Variants in RABEP1 observed in about 807,000 individuals in gnomAD.
The protein encoded by RABEP1 is rabaptin, RAB GTPase binding effector protein 1, also known as rab GTPase-binding effector protein 1.
A neutral mutation model predicts 123.4 loss-of-function variants in RABEP1; 51 were observed. The ratio of observed to expected loss-of-function variants is 0.41; its 90% CI spans 0.33 to 0.52. The LOEUF is 0.52. RABEP1 is among the 20% of genes least tolerant of loss of function. The pLI, the probability that RABEP1 is intolerant of heterozygous loss-of-function variation, is 0.16. For missense variants in RABEP1, 888 were observed against 996.3 expected, an observed-to-expected ratio of 0.89 and a Z score of 1.46; for synonymous variants, 347 against 355.2, an observed-to-expected ratio of 0.98 and a Z score of 0.26.
chr17:5,282,334 C>A lies in RABEP1; in HGVS notation c.-153C>A. The A allele has an allele frequency of 3.8e-6, 2 of 526,150 alleles. No individual in the cohort carries two copies. The highest frequency in any genetic ancestry group is 5.9e-6 in the Non-Finnish European group (2 of 338,380). The allele number at this position is 526,150 out of a possible 1,614,324, so 32.6% of individuals were successfully genotyped here. ...CGGTCGGGTCCGTCTCTGCCCGCGG[C>A]TGTGGCGGCGCCGGCGGATCCAGCC... On this transcript the variant is annotated 5_prime_UTR_variant, in exon 1 of 18. It adds an upstream start codon to the 5' untranslated region. Transcript: ENST00000537505.
At chr17:5,352,850 A>G (rs556189087) in intron 7 of RABEP1, among the ~76,000 whole-genome samples, 5 of 152,178 alleles carry the variant, frequency 3.3e-5, no homozygotes, top group Admixed American at 2.6e-4. Flanking sequence ...AAACAAAAAC[A>G]AAGAGTCTAA....
intron 13 of RABEP1, among the ~76,000 whole-genome samples, chr17:5,376,412 A>G (rs570192554): frequency 6.6e-6 from 1 of 152,334 alleles, no homozygotes; most frequent in African/African-American, 2.4e-5. Flanking sequence ...CTTCAGCAAT[A>G]AATCTTAGGA....
intron 16 of RABEP1, 52 bp downstream of exon 16, chr17:5,380,514 G>C (rs1409281613): frequency 2.2e-6 from 3 of 1,361,972 alleles, no homozygotes; most frequent in Non-Finnish European, 3.1e-6. Context: ...AAGAATGCAG[G>C]ATCACATCTT....
chr17:5,352,400 C>T (rs972363083), intron 7 of RABEP1, among the ~76,000 whole-genome samples: 1 of 151,500 alleles, frequency 6.6e-6, no homozygotes, highest in Non-Finnish European at 1.5e-5. Context: ...ACTACGTTGC[C>T]CAGGCTGGTC....
chr17:5,359,032 A>G (rs529055111), intron 8 of RABEP1, among the ~76,000 whole-genome samples: 1 of 149,886 alleles, frequency 6.7e-6, no homozygotes, highest in South Asian at 2.1e-4. Flanking sequence ...AAAGTGTTGG[A>G]TTTACAGGCG....
At chr17:5,288,513 A>T (rs2075000888) in intron 1 of RABEP1, among the ~76,000 whole-genome samples, 1 of 152,006 alleles carries the variant, frequency 6.6e-6, no homozygotes, top group African/African-American at 2.4e-5. Context: ...CTCCTGCCTC[A>T]GCCTCCCAAG....
Position 5,361,339 on chromosome 17 carries a change from C to G in RABEP1, c.1227C>G (p.Asp409Glu), listed in dbSNP as rs1233659963. 6.2e-7 allele frequency: 1 copy of G among 1,614,166 alleles called. No individual in the cohort carries two copies. Among genetic ancestry groups the G allele is most frequent in the Admixed American group, 1.7e-5 (1 of 60,014 alleles). The change falls in exon 9 of 18, where the codon GAC becomes GAG. Residue 409 changes from aspartate (D) to glutamate (E), a missense_variant. By Grantham distance (45) the Asp-to-Glu change is conservative (BLOSUM62 2). Coordinates refer to ENST00000537505, the MANE Select transcript of RABEP1 (RefSeq NM_004703.6). ...KDGLRRAQST[D>E]SLGTSGSLQS... ...GACTCAGGAGAGCACAGTCTACAGA[C>G]AGCTTGGGAACCTCGGGCTCATTGC... is the stretch of plus-strand genomic sequence containing the variant.
In RABEP1 at chr17:5,377,281, A is replaced by G; in HGVS notation, c.2191A>G (p.Ile731Val). 2.5e-6 allele frequency: 4 copies of G among 1,587,978 alleles called. No individual in the cohort carries two copies. Among genetic ancestry groups the G allele is most frequent in the South Asian group, 1.2e-5 (1 of 85,556 alleles). Residue 731 changes from isoleucine to valine, a missense_variant, in exon 14 of 18, where the codon ATA (isoleucine) becomes GTA (valine). Ile to Val is a conservative substitution (Grantham distance 29, BLOSUM62 3). Transcript: ENST00000537505. ...TCTTGAAGAAACTCTGCAACTAGAA[A>G]TAGAAAACTGCAAGGAGGAAATAGG... Reference protein sequence around the residue: ...ENLEETLQLEIENCKEEIASI... With the variant: ...ENLEETLQLEVENCKEEIASI...
Position 5,299,719 on chromosome 17 carries a change from C to CTTTTTTTTTTT in RABEP1, c.35-8970_35-8969insTTTTTTTTTTT, listed in dbSNP as rs146585957. Among the ~76,000 whole-genome samples the CTTTTTTTTTTT allele has an allele frequency of 2.3e-3, 223 of 98,782 alleles. 31 individuals are homozygous for CTTTTTTTTTTT. The highest frequency in any genetic ancestry group is 6.1e-3 in the South Asian group (10 of 1,648). The allele number at this position is 98,782 out of a possible 152,430, so 64.8% of individuals were successfully genotyped here. On this transcript the variant is annotated intron_variant, in intron 1 of 17. Transcript: ENST00000537505. ...TCATTTCTTTTTCTTTTTTTCTTTT[C>CTTTTTTTTTTT]TTTTTCTTTTTCTTTTTTTTTTTTT...
rs1911671389 is a variant in RABEP1 at position 5,383,479 on chromosome 17, T to C, written c.*256T>C. 9.5e-6 allele frequency: 4 copies of C among 419,882 alleles called. No homozygotes were observed. Among genetic ancestry groups the C allele is most frequent in the Non-Finnish European group, 1.7e-5 (4 of 230,684 alleles). 26.0% of individuals were successfully genotyped at this position (419,882 alleles called of 1,614,324 possible). A position where few individuals can be genotyped will look rare whatever the true frequency, so the allele number is the denominator to read the frequency against. Reference sequence around the variant, plus strand: ...ATTCCAACAGGCGTGGGATCAGATTTGGTGATGGAAAAAGCGCTGTTTCCT... The same window carrying C: ...ATTCCAACAGGCGTGGGATCAGATTCGGTGATGGAAAAAGCGCTGTTTCCT... On this transcript the variant is annotated 3_prime_UTR_variant, in exon 18 of 18. Coordinates refer to ENST00000537505, the MANE Select transcript of RABEP1 (RefSeq NM_004703.6).
At chr17:5,334,327 G>C (rs545617786) in intron 3 of RABEP1, among the ~76,000 whole-genome samples, 107 of 152,090 alleles carry the variant, frequency 7.0e-4, no homozygotes, top group African/African-American at 2.5e-3. Flanking sequence ...TGCCTCCCGG[G>C]TTCACGTGAT....
intron 5 of RABEP1, among the ~76,000 whole-genome samples, chr17:5,338,880 G>A (rs776786483): frequency 7.9e-5 from 12 of 152,178 alleles, no homozygotes; most frequent in Non-Finnish European, 1.3e-4. Context: ...GAACAGGCCA[G>A]GTGTTGTGGC....
At chr17:5,346,968 A>AT in intron 6 of RABEP1, 43 bp downstream of exon 6, 1 of 1,461,766 alleles carries the variant, frequency 6.8e-7, no homozygotes, top group South Asian at 1.4e-5. Context: ...TAAGAACCAT[A>AT]TAAGTTAAAT....
In RABEP1 at chr17:5,282,397, G is replaced by T; in HGVS notation, c.-90G>T. ...CTCTGGGCGGCGGCGGCGGCGGCTC[G>T]GTTGACGCCTCCTCCGCCAGCTGAG... On this transcript the variant is annotated 5_prime_UTR_variant, in exon 1 of 18. Coordinates refer to ENST00000537505, the MANE Select transcript of RABEP1 (RefSeq NM_004703.6). 1 of 1,063,994 alleles carries T rather than the reference G, an allele frequency of 9.4e-7. No homozygotes were observed. The highest frequency in any genetic ancestry group is 1.2e-6 in the Non-Finnish European group (1 of 807,946). The allele number at this position is 1,063,994 out of a possible 1,614,324, so 65.9% of individuals were successfully genotyped here.
At chr17:5,324,750 G>A (rs1448813631) in intron 2 of RABEP1, among the ~76,000 whole-genome samples, 1 of 152,158 alleles carries the variant, frequency 6.6e-6, no homozygotes, top group East Asian at 1.9e-4. Context: ...GATTCAAATA[G>A]GCATTTTTCA....
In RABEP1 at chr17:5,383,157, GGA is replaced by G; in HGVS notation, c.2528_2529del (p.Arg843AsnfsTer7). On this transcript the variant is annotated frameshift_variant, in exon 18 of 18. Coordinates refer to ENST00000537505, the MANE Select transcript of RABEP1 (RefSeq NM_004703.6). LOFTEE classifies it high-confidence loss of function. ...LERIRQADSL[E>X]RIRAILNDTK... ...AGCGGATCCGGCAAGCTGACTCCTT[GGA>G]GAGAATCCGGGCAATTCTGAATGAT... 6.2e-7 allele frequency: 1 copy of G among 1,614,116 alleles called. No homozygotes were observed. Among genetic ancestry groups the G allele is most frequent in the Non-Finnish European group, 8.5e-7 (1 of 1,180,014 alleles).
rs752600387 is a variant in RABEP1 at position 5,383,243 on chromosome 17, T to G, written c.*20T>G. The G allele has an allele frequency of 1.3e-6, 2 of 1,591,888 alleles. No individual in the cohort carries two copies. Among genetic ancestry groups the G allele is most frequent in the South Asian group, 2.2e-5 (2 of 90,640 alleles). ...ACATGACACCCTCATGGCAGGATTC[T>G]AGCCTGCACTTTGGGTTTTTAACTC... On this transcript the variant is annotated 3_prime_UTR_variant, in exon 18 of 18. Transcript: ENST00000537505.
intron 13 of RABEP1, among the ~76,000 whole-genome samples, chr17:5,375,299 T>TC (rs1269566418): frequency 2.0e-5 from 3 of 152,160 alleles, no homozygotes; most frequent in African/African-American, 7.2e-5. Context: ...CTTTGCTGTC[T>TC]CCCACCTTTC....
At chr17:5,332,631 G>A (rs1029076899) in intron 3 of RABEP1, among the ~76,000 whole-genome samples, 5 of 121,686 alleles carry the variant, frequency 4.1e-5, no homozygotes, top group African/African-American at 6.6e-5. Context: ...ATGGAATCTC[G>A]CTCTGTTGTC....
Sources: allele counts gnomAD v4.1 joint callset (sites outside exome capture counted in the v4.1 genomes callset), GRCh38; gene constraint gnomAD v4.1.1; transcripts MANE v1.5; gene names NCBI Gene and HGNC (gene_info 2026-07-23, HGNC 2026-07-21).